C16orf96: variants seen among roughly 807,000 people sequenced by gnomAD.
C16orf96 encodes uncharacterized protein C16orf96.
In C16orf96, 108 loss-of-function variants were observed where a neutral mutation model predicts 103.6. That is an observed-to-expected ratio of 1.04 (90% CI 0.89 to 1.22). C16orf96 has a LOEUF of 1.22. C16orf96 is among the 50% of genes most tolerant of loss of function. The pLI, the probability that C16orf96 is intolerant of heterozygous loss-of-function variation, is 0.00. For missense variants in C16orf96, 1,586 were observed against 1,464.2 expected (o/e 1.08, Z -1.36); for synonymous variants, 566 against 593.5 (o/e 0.95, Z 0.67).
Position 4,574,716 on chromosome 16 carries a change from C to T in C16orf96, c.533C>T (p.Pro178Leu). Residue 178 changes from proline (P) to leucine (L), a missense_variant, in exon 3 of 16, where the codon CCA becomes CTA. Pro to Leu is a moderately conservative substitution (Grantham distance 98). Transcript: ENST00000444310. The stretch of plus-strand genomic sequence containing the variant: ...ACTCAGTTCCTTTGACAGGTACACC[C>T]AGAAAGAATGGACATCTTTGCTGAA... ...MLKNMLDKVHPERMDIFAEDF... is the reference protein window; with the variant it reads ...MLKNMLDKVHLERMDIFAEDF... 6.4e-7 allele frequency: 1 copy of T among 1,551,660 alleles called. No homozygotes were observed. The highest frequency in any genetic ancestry group is 8.7e-7 in the Non-Finnish European group (1 of 1,146,948).
At chr16:4,581,633 A>AAAAAAC (rs897572215) in intron 7 of C16orf96, among the ~76,000 whole-genome samples, 1 of 151,956 alleles carries the variant, frequency 6.6e-6, no homozygotes, top group Non-Finnish European at 1.5e-5. Context: ...ACTCCGTCTC[A>AAAAAAC]AAAAACAAAA....
At chr16:4,585,339 C>G (rs1193579748) in intron 7 of C16orf96, among the ~76,000 whole-genome samples, 2 of 149,240 alleles carry the variant, frequency 1.3e-5, no homozygotes, top group Non-Finnish European at 3.0e-5. Context: ...CACCTGCAGT[C>G]CCAGCTCCTC....
At chr16:4,574,187 C>G (rs12934524) in intron 2 of C16orf96, among the ~76,000 whole-genome samples, 1 of 152,076 alleles carries the variant, frequency 6.6e-6, no homozygotes, top group East Asian at 1.9e-4. Context: ...GAAGTCCTGC[C>G]GTACAGAAAC....
intron 8 of C16orf96, among the ~76,000 whole-genome samples, chr16:4,587,942 A>T (rs879029161): frequency 6.6e-6 from 1 of 152,256 alleles, no homozygotes; most frequent in Admixed American, 6.5e-5. Context: ...TGTCTCAAAA[A>T]AACACATAAT....
At position 4,593,352 on chromosome 16, in the gene C16orf96, C is replaced by T. The variant is rs929593319; in HGVS notation, c.2867+36C>T. 17 of 1,521,014 alleles carry T rather than the reference C, an allele frequency of 1.1e-5. No individual in the cohort carries two copies. Among genetic ancestry groups the T allele is most frequent in the South Asian group, 2.4e-5 (2 of 83,208 alleles). 94.2% of individuals were successfully genotyped at this position (1,521,014 alleles called of 1,614,324 possible). ...TGGGCGCCCCGCAGGGAGGCCGCCCCGCATGGAGGCCACTCTGGAGCCTGG... is the reference window on the plus strand; with the variant it reads ...TGGGCGCCCCGCAGGGAGGCCGCCCTGCATGGAGGCCACTCTGGAGCCTGG... On this transcript the variant is annotated intron_variant, in intron 12 of 15. Transcript: ENST00000444310. The surrounding 1 kb of genome is among the most constrained non-coding windows in gnomAD (Gnocchi z 4.2).
intron 1 of C16orf96, among the ~76,000 whole-genome samples, chr16:4,557,176 G>A (rs751881117): frequency 6.6e-6 from 1 of 152,046 alleles, no homozygotes; most frequent in South Asian, 2.1e-4. Flanking sequence ...CACTATGTTG[G>A]CCAGGCTGGT....
intron 7 of C16orf96, 75 bp from the exon 8 acceptor site, chr16:4,586,964 G>A: frequency 7.5e-7 from 1 of 1,328,118 alleles, no homozygotes; most frequent in Non-Finnish European, 1.1e-6. Context: ...ATATGGTAAT[G>A]GTAGAGGTGG....
At chr16:4,560,402 A>G (rs1358125953) in intron 1 of C16orf96, 2 of 152,030 alleles carry the variant, frequency 1.3e-5, no homozygotes, top group East Asian at 1.9e-4. Context: ...CGGTTTCACC[A>G]TGTTGGCCAG....
At chr16:4,592,919 C>T (rs951573974) in intron 11 of C16orf96, among the ~76,000 whole-genome samples, 3 of 152,202 alleles carry the variant, frequency 2.0e-5, no homozygotes, top group African/African-American at 7.2e-5. Flanking sequence ...AGGTGATCCG[C>T]CCACCTCAGC....
At chr16:4,595,207 G>A (rs560891949) in intron 14 of C16orf96, among the ~76,000 whole-genome samples, 2 of 152,298 alleles carry the variant, frequency 1.3e-5, no homozygotes, top group Admixed American at 6.5e-5. Context: ...CGGGTGAGAG[G>A]AGAGTGGTCG....
the C16orf96 span, among the ~76,000 whole-genome samples, chr16:4,545,667 A>G: frequency 1.3e-5 from 2 of 152,080 alleles, no homozygotes; most frequent in African/African-American, 4.8e-5. Flanking sequence ...CTCTCCTAGT[A>G]ACTTTCCATC....
At chr16:4,569,999 G>A (rs1487012875) in intron 1 of C16orf96, among the ~76,000 whole-genome samples, 1 of 152,180 alleles carries the variant, frequency 6.6e-6, no homozygotes, top group Non-Finnish European at 1.5e-5. Context: ...GGAGACCCCT[G>A]CCCTTGCTGG....
At chr16:4,543,146 C>G in the C16orf96 span, among the ~76,000 whole-genome samples, 2 of 152,066 alleles carry the variant, frequency 1.3e-5, no homozygotes, top group East Asian at 1.9e-4. Flanking sequence ...AGGGAGTGCC[C>G]GAACAAGGAA....
rs2059508844 is a variant in C16orf96, at chr16:4,576,337, C to G, written c.1857C>G (p.Val619=). 6 of 1,550,686 alleles carry G rather than the reference C, an allele frequency of 3.9e-6. No individual in the cohort carries two copies. The highest frequency in any genetic ancestry group is 2.7e-5 in the African/African-American group (2 of 73,064). ...TDTAAAGPLG[V]FADVLGAGPS... ...CGGCTGCAGCTGGGCCCCTAGGGGT[C>G]TTTGCAGATGTCCTGGGTGCAGGGC... The change falls in exon 5 of 16, where the codon GTC becomes GTG. Residue 619 remains valine (V), a synonymous_variant. Transcript: ENST00000444310.
intron 1 of C16orf96, among the ~76,000 whole-genome samples, chr16:4,567,984 C>T (rs1437953177): frequency 4.6e-5 from 7 of 152,144 alleles, no homozygotes; most frequent in Admixed American, 4.6e-4. Flanking sequence ...ATGTGAGCCA[C>T]CACGTCCGGC....
At chr16:4,578,715 G>A (rs951431661) in intron 5 of C16orf96, among the ~76,000 whole-genome samples, 8 of 152,084 alleles carry the variant, frequency 5.3e-5, no homozygotes, top group African/African-American at 7.2e-5. Flanking sequence ...CCGAGATCGC[G>A]CCACTGCACT....
chr16:4,595,222 G>C (rs145922597), intron 14 of C16orf96, among the ~76,000 whole-genome samples: 1 of 152,138 alleles, frequency 6.6e-6, no homozygotes, highest in African/African-American at 2.4e-5. Flanking sequence ...TGGTCGTGTG[G>C]CAGGAACGGT....
the C16orf96 span, among the ~76,000 whole-genome samples, chr16:4,544,110 G>T: frequency 1.3e-5 from 2 of 152,144 alleles, no homozygotes; most frequent in Non-Finnish European, 2.9e-5. Flanking sequence ...GCAAAGGGTT[G>T]GTCCCAAGTG....
rs1897253728 is a variant in C16orf96 at position 4,600,172 on chromosome 16, C to T, written c.3281C>T (p.Ser1094Phe). ...PHLTMPARPP[S>F]LPPLLLLPPL... ...CTGACGATGCCAGCTCGACCACCTT[C>T]CCTGCCACCTCTGCTGCTGCTGCCA... is the stretch of plus-strand genomic sequence containing the variant. Residue 1094 changes from serine to phenylalanine, a missense_variant, in exon 16 of 16, where the codon TCC (serine) becomes TTC (phenylalanine). Coordinates refer to ENST00000444310, the MANE Select transcript of C16orf96 (RefSeq NM_001145011.2). 1 of 1,551,534 alleles carries T rather than the reference C, an allele frequency of 6.4e-7. No homozygotes were observed. Among genetic ancestry groups the T allele is most frequent in the Admixed American group, 2.0e-5 (1 of 50,980 alleles).
Sources: gnomAD v4.1 joint callset for allele counts (sites outside exome capture counted in the v4.1 genomes callset) on GRCh38, gnomAD v4.1.1 for gene constraint, Gnocchi (gnomAD v3.1) non-coding constraint, MANE v1.5 for transcripts, NCBI Gene and HGNC (gene_info 2026-07-23, HGNC 2026-07-21) for gene names.